The following CFAP90 variants were observed in gnomAD, a reference collection of about 807,000 sequenced individuals.
CFAP90 encodes cilia and flagella associated protein 90.
At chr5:7,838,927 A>T in the CFAP90 span, among the ~76,000 whole-genome samples, 48,208 of 152,102 alleles carry the variant, frequency 0.32, 8,016 homozygotes, top group Admixed American at 0.45. Context: ...ACCCTCACCC[A>T]GTGTATTAGT....
chr5:7,832,022 T>A, the CFAP90 span: 1 of 1,604,586 alleles, frequency 6.2e-7, no homozygotes, highest in Non-Finnish European at 8.5e-7. Flanking sequence ...AACCGGCCTC[T>A]CCTGTTCCTG....
chr5:7,833,950 T>C, the CFAP90 span, among the ~76,000 whole-genome samples: 1 of 152,326 alleles, frequency 6.6e-6, no homozygotes, highest in South Asian at 2.1e-4. Flanking sequence ...TAAAACATAG[T>C]ACATACAATT....
chr5:7,842,466 T>C, the CFAP90 span, among the ~76,000 whole-genome samples: 50,542 of 151,406 alleles, frequency 0.33, 9,944 homozygotes, highest in African/African-American at 0.55. Context: ...GGGCCAGGAA[T>C]GTGGGTGACT....
At chr5:7,835,213 A>C in the CFAP90 span, among the ~76,000 whole-genome samples, 1 of 152,220 alleles carries the variant, frequency 6.6e-6, no homozygotes, top group Non-Finnish European at 1.5e-5. Context: ...CGCTGTTGGA[A>C]AAATGGCACC....
chr5:7,835,203 C>A, the CFAP90 span, among the ~76,000 whole-genome samples: 5,281 of 152,170 alleles, frequency 0.035, 134 homozygotes, highest in Non-Finnish European at 0.058. Flanking sequence ...AGTGAGCACA[C>A]GCTGTTGGAA....
chr5:7,832,633 G>A, the CFAP90 span, among the ~76,000 whole-genome samples: 14 of 152,116 alleles, frequency 9.2e-5, no homozygotes, highest in South Asian at 8.3e-4. Flanking sequence ...GATTACAAGC[G>A]TGCACCACCA....
the CFAP90 span, chr5:7,835,382 C>T: frequency 1.3e-6 from 2 of 1,528,594 alleles, no homozygotes; most frequent in Non-Finnish European, 9.0e-7. Context: ...TTAATATTAC[C>T]TCTTCGTTAA....
chr5:7,845,777 G>A, the CFAP90 span, among the ~76,000 whole-genome samples: 4 of 152,020 alleles, frequency 2.6e-5, no homozygotes, highest in Middle Eastern at 3.4e-3. Context: ...TACAGGAGCC[G>A]ATCACATTTT....
At chr5:7,834,555 C>T in the CFAP90 span, among the ~76,000 whole-genome samples, 2 of 152,148 alleles carry the variant, frequency 1.3e-5, no homozygotes, top group East Asian at 1.9e-4. Context: ...ACAGTAATGT[C>T]CTAGGCCTTC....
the CFAP90 span, chr5:7,832,088 C>A: frequency 2.6e-6 from 4 of 1,533,698 alleles, 1 homozygote; most frequent in South Asian, 4.8e-5. Flanking sequence ...CACAGCTCAC[C>A]CGTGCATCCA....
chr5:7,846,603 A>G, the CFAP90 span, among the ~76,000 whole-genome samples: 1 of 152,260 alleles, frequency 6.6e-6, no homozygotes, highest in East Asian at 1.9e-4. Context: ...CCCGCCTCCT[A>G]ATACTGTCAT....
chr5:7,850,806 AG>A, the CFAP90 span: 4 of 729,234 alleles, frequency 5.5e-6, no homozygotes, highest in East Asian at 5.2e-5. Flanking sequence ...CCAGCCGCCC[AG>A]CCGCCCAGCC....
the CFAP90 span, among the ~76,000 whole-genome samples, chr5:7,847,109 A>G: frequency 6.6e-6 from 1 of 152,202 alleles, no homozygotes; most frequent in African/African-American, 2.4e-5. Context: ...AATAGTCTCT[A>G]GGTCAGAGAA....
At chr5:7,846,679 C>T in the CFAP90 span, among the ~76,000 whole-genome samples, 1 of 152,192 alleles carries the variant, frequency 6.6e-6, no homozygotes, top group Non-Finnish European at 1.5e-5. Flanking sequence ...ATAGCATTGG[C>T]TTAAGAACTA....
the CFAP90 span, among the ~76,000 whole-genome samples, chr5:7,840,239 A>T: frequency 7.7e-4 from 117 of 152,288 alleles, no homozygotes; most frequent in East Asian, 8.3e-3. Flanking sequence ...ATGGTGCTTG[A>T]TCACCTACCC....
the CFAP90 span, among the ~76,000 whole-genome samples, chr5:7,841,902 G>T: frequency 2.6e-5 from 4 of 152,062 alleles, no homozygotes; most frequent in African/African-American, 4.8e-5. Context: ...TGGGTGATGG[G>T]ATGATCTGTA....
the CFAP90 span, among the ~76,000 whole-genome samples, chr5:7,839,399 A>G: frequency 6.6e-6 from 1 of 152,192 alleles, no homozygotes; most frequent in Non-Finnish European, 1.5e-5. Context: ...AGTGCTTTTA[A>G]TCAGGTCCAA....
the CFAP90 span, among the ~76,000 whole-genome samples, chr5:7,838,760 A>G: frequency 6.6e-6 from 1 of 152,138 alleles, no homozygotes; most frequent in Non-Finnish European, 1.5e-5. Context: ...TGCAGTGTAC[A>G]ACGTGAAGAC....
chr5:7,839,049 C>T, the CFAP90 span, among the ~76,000 whole-genome samples: 5 of 152,152 alleles, frequency 3.3e-5, no homozygotes, highest in Admixed American at 3.3e-4. Flanking sequence ...GCCTCACAAT[C>T]ATGGCAGAAG....
Sources: allele counts gnomAD v4.1 joint callset (sites outside exome capture counted in the v4.1 genomes callset), GRCh38; gene constraint gnomAD v4.1.1; transcripts MANE v1.5; gene names NCBI Gene and HGNC (gene_info 2026-07-23, HGNC 2026-07-21).